Variants in CNTNAP2 observed in about 807,000 individuals in gnomAD.
CNTNAP2 encodes the protein contactin-associated protein-like 2.
CNTNAP2 carries 98 observed loss-of-function variants against 155.2 expected under a neutral mutation model. The observed-to-expected ratio is 0.63, with a 90% CI of 0.54 to 0.75. The LOEUF (loss-of-function observed/expected upper bound fraction) is 0.75, where lower values mean the gene tolerates loss of function less well. Among genes scored for constraint, CNTNAP2 ranks in the 30% least tolerant of loss-of-function variants. The pLI is 0.00. For synonymous variants in CNTNAP2, 651 were observed against 631.2 expected (o/e 1.03, Z -0.47); for missense variants, 1,727 against 1,688.1 (o/e 1.02, Z -0.40).
intron 3 of CNTNAP2, among the ~76,000 whole-genome samples, chr7:146,934,154 C>A (rs552444342): frequency 6.6e-6 from 1 of 151,776 alleles, no homozygotes; most frequent in Admixed American, 6.6e-5. Flanking sequence ...ATGTTTATTG[C>A]GGCACTATTC....
chr7:148,368,556 G>A (rs1340117368), intron 21 of CNTNAP2, among the ~76,000 whole-genome samples: 5 of 152,302 alleles, frequency 3.3e-5, no homozygotes, highest in African/African-American at 1.2e-4. Context: ...GTCCAAAATT[G>A]TACCAGCCAT....
At position 147,533,524 on chromosome 7, in the gene CNTNAP2, T is replaced by A. The variant is rs979936549; in HGVS notation, c.1778-28614T>A. On this transcript the variant is annotated intron_variant, in intron 11 of 23. Transcript: ENST00000361727. ...AAATACCTATATTTATAAAATTGAATCTTTTAAAGTCAGCTGACAGGTCAA... is the reference window on the plus strand; with the variant it reads ...AAATACCTATATTTATAAAATTGAAACTTTTAAAGTCAGCTGACAGGTCAA... Among the ~76,000 whole-genome samples, 64 of 152,050 alleles carry A rather than the reference T, an allele frequency of 4.2e-4. 1 individual carries two copies. The highest frequency in any genetic ancestry group is 1.5e-3 in the African/African-American group (63 of 41,484).
intron 8 of CNTNAP2, among the ~76,000 whole-genome samples, chr7:147,261,225 G>T (rs1164240075): frequency 6.6e-6 from 1 of 152,226 alleles, no homozygotes; most frequent in East Asian, 1.9e-4. Context: ...TTAAATTCCT[G>T]TTACTCTGGC....
intron 8 of CNTNAP2, among the ~76,000 whole-genome samples, chr7:147,244,792 AT>A (rs1203830032): frequency 1.3e-5 from 2 of 152,176 alleles, no homozygotes; most frequent in Admixed American, 1.3e-4. Flanking sequence ...TTGCCCATAT[AT>A]TTTTTAATCA....
At chr7:146,759,399 T>A (rs948535364) in intron 1 of CNTNAP2, among the ~76,000 whole-genome samples, 5 of 151,924 alleles carry the variant, frequency 3.3e-5, no homozygotes, top group African/African-American at 4.8e-5. Flanking sequence ...ATTATATTTT[T>A]TAAAAAATGG....
At chr7:147,487,536 C>T (rs1425878791) in intron 11 of CNTNAP2, among the ~76,000 whole-genome samples, 2 of 152,126 alleles carry the variant, frequency 1.3e-5, no homozygotes, top group East Asian at 1.9e-4. Flanking sequence ...TTTAATTACA[C>T]GGGATCTTGT....
At chr7:148,324,137 G>A (rs576681081) in intron 21 of CNTNAP2, among the ~76,000 whole-genome samples, 41 of 151,994 alleles carry the variant, frequency 2.7e-4, no homozygotes, top group Middle Eastern at 3.4e-3. Flanking sequence ...CACCCACTTC[G>A]GCCCCCCAAA....
chr7:147,301,246 G>A (rs1794940512), intron 9 of CNTNAP2, among the ~76,000 whole-genome samples: 1 of 152,168 alleles, frequency 6.6e-6, no homozygotes, highest in African/African-American at 2.4e-5. Context: ...TAAACTCTAT[G>A]TGTGAAAAAG....
In CNTNAP2 at chr7:146,151,665, T is replaced by C. The variant is rs867770014; in HGVS notation, c.97+34692T>C. Among the ~76,000 whole-genome samples the C allele has an allele frequency of 8.7e-3, 431 of 49,454 alleles. 4 individuals are homozygous for C. Among genetic ancestry groups the C allele is most frequent in the Non-Finnish European group, 9.8e-3 (250 of 25,520 alleles). The allele number at this position is 49,454 out of a possible 152,430, so 32.4% of individuals were successfully genotyped here. A position where few individuals can be genotyped will look rare whatever the true frequency, so the allele number is the denominator to read the frequency against. The stretch of plus-strand genomic sequence containing the variant: ...ATATATATATATATATATATATATA[T>C]ATATATATATATATATGTATATATA... On this transcript the variant is annotated intron_variant, in intron 1 of 23. Transcript: ENST00000361727.
intron 15 of CNTNAP2, among the ~76,000 whole-genome samples, chr7:148,036,257 C>T (rs2527064): frequency 0.36 from 53,980 of 151,928 alleles, 10,303 homozygotes; most frequent in East Asian, 0.75. Context: ...GTGAGAAAGA[C>T]ATGAATTTGG....
chr7:147,627,522 C>T (rs1795003696), intron 12 of CNTNAP2, among the ~76,000 whole-genome samples: 1 of 151,524 alleles, frequency 6.6e-6, no homozygotes, highest in South Asian at 2.1e-4. Context: ...ATAGTGAAAC[C>T]CTGTCTCTAC....
chr7:147,545,055 A>G (rs1357150721), intron 11 of CNTNAP2, among the ~76,000 whole-genome samples: 1 of 152,170 alleles, frequency 6.6e-6, no homozygotes, highest in Non-Finnish European at 1.5e-5. Flanking sequence ...ATATATATGT[A>G]TGTATACATA....
chr7:146,915,453 G>A (rs1796373663), intron 3 of CNTNAP2, among the ~76,000 whole-genome samples: 1 of 152,124 alleles, frequency 6.6e-6, no homozygotes, highest in Non-Finnish European at 1.5e-5. Flanking sequence ...AGCATGAAAT[G>A]TGTTTCCATT....
intron 3 of CNTNAP2, among the ~76,000 whole-genome samples, chr7:147,039,862 A>C (rs1224743078): frequency 1.3e-5 from 2 of 152,174 alleles, no homozygotes; most frequent in Non-Finnish European, 2.9e-5. Flanking sequence ...TCTGGAAGAC[A>C]ACCTAGGCAA....
intron 9 of CNTNAP2, among the ~76,000 whole-genome samples, chr7:147,321,637 G>A (rs1795354599): frequency 6.6e-6 from 1 of 152,140 alleles, no homozygotes; most frequent in Non-Finnish European, 1.5e-5. Flanking sequence ...GCCAGTGCCA[G>A]TGCGCAAGAG....
chr7:147,478,316 C>A (rs1224515563), intron 10 of CNTNAP2, among the ~76,000 whole-genome samples: 1 of 151,918 alleles, frequency 6.6e-6, no homozygotes, highest in Non-Finnish European at 1.5e-5. Flanking sequence ...CCACAGCCAG[C>A]TAATTTTTGT....
intron 13 of CNTNAP2, among the ~76,000 whole-genome samples, chr7:147,861,090 C>G (rs964857994): frequency 6.6e-6 from 1 of 152,180 alleles, no homozygotes; most frequent in Non-Finnish European, 1.5e-5. Flanking sequence ...GTCAACCACA[C>G]TTCTGTTTGT....
chr7:148,033,362 TAA>T (rs33962047), intron 15 of CNTNAP2, among the ~76,000 whole-genome samples: 8,350 of 146,298 alleles, frequency 0.057, 303 homozygotes, highest in South Asian at 0.12. Flanking sequence ...TTATTTCTTC[TAA>T]AAAAAAAAAA....
At chr7:147,849,194 A>G (rs917727271) in intron 13 of CNTNAP2, among the ~76,000 whole-genome samples, 1 of 152,236 alleles carries the variant, frequency 6.6e-6, no homozygotes, top group African/African-American at 2.4e-5. Flanking sequence ...TAGTAATATC[A>G]TTATGACAAT....
Sources: allele counts gnomAD v4.1 joint callset (sites outside exome capture counted in the v4.1 genomes callset), GRCh38; gene constraint gnomAD v4.1.1; transcripts MANE v1.5; gene names NCBI Gene and HGNC (gene_info 2026-07-23, HGNC 2026-07-21).